PDE10A: variants seen among roughly 807,000 people sequenced by gnomAD.
The protein encoded by PDE10A is phosphodiesterase 10A.
Under a neutral mutation model 97.7 loss-of-function variants are expected in PDE10A, and 39 were observed. The observed-to-expected ratio is 0.40, with a 90% CI of 0.31 to 0.52. The LOEUF (loss-of-function observed/expected upper bound fraction) is 0.52. Among genes scored for constraint, PDE10A ranks in the 20% least tolerant of loss-of-function variants. The probability of loss-of-function intolerance (pLI) is 0.56; values close to 1 mark genes in which losing one functional copy is unlikely to be tolerated. For synonymous variants in PDE10A, 371 were observed against 376.8 expected, an observed-to-expected ratio of 0.98 and a Z score of 0.18; for missense variants, 731 against 1,047.8, an observed-to-expected ratio of 0.70 and a Z score of 4.17.
intron 2 of PDE10A, among the ~76,000 whole-genome samples, chr6:165,490,161 A>C (rs1780146770): frequency 1.3e-5 from 2 of 152,238 alleles, no homozygotes; most frequent in East Asian, 1.9e-4. Flanking sequence ...TCTACAGTCA[A>C]GATGAAGGAA....
intron 16 of PDE10A, among the ~76,000 whole-genome samples, chr6:165,390,682 G>A (rs1785644341): frequency 6.6e-6 from 1 of 152,158 alleles, no homozygotes; most frequent in Non-Finnish European, 1.5e-5. Context: ...AAGTGTGCAA[G>A]GCAGAGCCTG....
At chr6:165,560,915 G>T (rs887492534) in intron 1 of PDE10A, among the ~76,000 whole-genome samples, 17 of 152,030 alleles carry the variant, frequency 1.1e-4, no homozygotes, top group African/African-American at 3.9e-4. Context: ...ATGAGATCTG[G>T]TTGTTTAAAA....
intron 1 of PDE10A, among the ~76,000 whole-genome samples, chr6:165,799,072 G>A (rs1462007929): frequency 6.6e-6 from 1 of 152,178 alleles, no homozygotes; most frequent in African/African-American, 2.4e-5. Context: ...AAAAATTGAA[G>A]ACAACAGGCT....
chr6:165,374,548 CAT>C (rs1446711458), intron 18 of PDE10A, among the ~76,000 whole-genome samples: 1 of 151,786 alleles, frequency 6.6e-6, no homozygotes, highest in African/African-American at 2.4e-5. Flanking sequence ...AATAAACAAA[CAT>C]AAAAAAATCT....
intron 1 of PDE10A, among the ~76,000 whole-genome samples, chr6:165,979,298 C>T (rs1318741214): frequency 1.3e-5 from 2 of 152,096 alleles, no homozygotes; most frequent in East Asian, 3.9e-4. Flanking sequence ...CCCCAGCTGG[C>T]CCAGGTATGA....
rs528911059 is a variant in PDE10A, at chr6:165,507,447, A to G, written c.995-25104T>C. Among the ~76,000 whole-genome samples, 3 of 152,180 alleles carry G rather than the reference A, an allele frequency of 2.0e-5. No homozygotes were observed. In the East Asian group the frequency reaches 5.8e-4, roughly 29 times the overall value. ...AAATTAATGTTCCTTTTCCCCTTATATGCACTCTTCATGAGACTCCTACTA... is the reference window on the plus strand; with the variant it reads ...AAATTAATGTTCCTTTTCCCCTTATGTGCACTCTTCATGAGACTCCTACTA... On this transcript the variant is annotated intron_variant, in intron 2 of 21. Transcript: ENST00000539869.
chr6:165,738,216 T>C (rs1583018001), intron 1 of PDE10A, among the ~76,000 whole-genome samples: 2 of 136,606 alleles, frequency 1.5e-5, no homozygotes. Context: ...CCTGTGTCCA[T>C]GTGATCTCAT....
chr6:165,356,707 A>C (rs2128189735), intron 18 of PDE10A, among the ~76,000 whole-genome samples: 1 of 152,336 alleles, frequency 6.6e-6, no homozygotes, highest in Admixed American at 6.5e-5. Flanking sequence ...AACCATTTGC[A>C]GAAAAGACAG....
chr6:165,917,344 G>T (rs1451403548), intron 1 of PDE10A, among the ~76,000 whole-genome samples: 1 of 152,102 alleles, frequency 6.6e-6, no homozygotes, highest in African/African-American at 2.4e-5. Context: ...GAGCAATTAG[G>T]ACTCAACCCC....
intron 19 of PDE10A, 109 bp downstream of exon 19, chr6:165,343,282 A>G (rs1429727128): frequency 3.9e-6 from 3 of 765,004 alleles, no homozygotes; most frequent in Non-Finnish European, 6.9e-6. Context: ...GACTCACCAC[A>G]GTTCTCTGAA....
intron 1 of PDE10A, among the ~76,000 whole-genome samples, chr6:165,811,245 A>C (rs1779275594): frequency 6.6e-6 from 1 of 152,150 alleles, no homozygotes; most frequent in South Asian, 2.1e-4. Flanking sequence ...CACAAAAACA[A>C]ACACACAAAA....
intron 18 of PDE10A, among the ~76,000 whole-genome samples, chr6:165,364,037 C>A (rs2128194844): frequency 6.6e-6 from 1 of 152,174 alleles, no homozygotes. Context: ...TTGCTAGAGA[C>A]CCAGAATAGT....
intron 1 of PDE10A, among the ~76,000 whole-genome samples, chr6:165,695,055 G>A (rs558642954): frequency 1.3e-4 from 20 of 152,250 alleles, no homozygotes; most frequent in African/African-American, 4.3e-4. Flanking sequence ...TCCCCCGGAA[G>A]TAAACAATTT....
Position 165,465,403 on chromosome 6 carries a change from G to T in PDE10A, c.1024-15041C>A, listed in dbSNP as rs547856129. On this transcript the variant is annotated intron_variant, in intron 3 of 21. Coordinates refer to ENST00000539869, the MANE Select transcript of PDE10A (RefSeq NM_001385079.1). ...CCCTGAGTCTATCCTAGCACTATGG[G>T]GAAAAGAGAAAAAGCAGCCACCTTC... 3.3e-5 allele frequency among the ~76,000 whole-genome samples: 5 copies of T among 152,210 alleles called. No homozygotes were observed. In the East Asian group the frequency reaches 9.6e-4, roughly 29 times the overall value.
At chr6:165,790,419 C>G (rs1210633031) in intron 1 of PDE10A, among the ~76,000 whole-genome samples, 1 of 152,140 alleles carries the variant, frequency 6.6e-6, no homozygotes, top group Non-Finnish European at 1.5e-5. Flanking sequence ...GGGAGGAAGT[C>G]TCTTTTTAGA....
At chr6:165,978,199 T>C (rs771508754) in intron 1 of PDE10A, among the ~76,000 whole-genome samples, 19 of 152,294 alleles carry the variant, frequency 1.2e-4, no homozygotes, top group Admixed American at 3.3e-4. Context: ...TCACCTAAGC[T>C]GTTTAGCTCA....
At chr6:165,947,797 G>A (rs927275972) in intron 1 of PDE10A, among the ~76,000 whole-genome samples, 3 of 152,058 alleles carry the variant, frequency 2.0e-5, no homozygotes, top group Non-Finnish European at 4.4e-5. Context: ...TTGCACAATC[G>A]TATGGGTTTT....
intron 1 of PDE10A, among the ~76,000 whole-genome samples, chr6:165,732,006 G>A (rs1385264943): frequency 6.6e-6 from 1 of 152,026 alleles, no homozygotes; most frequent in Non-Finnish European, 1.5e-5. Context: ...AGAAAATTAC[G>A]AGTGTACCCA....
At chr6:165,821,902 T>G (rs79522193) in intron 1 of PDE10A, among the ~76,000 whole-genome samples, 2,636 of 41,130 alleles carry the variant, frequency 0.064, 79 homozygotes, top group African/African-American at 0.12. Flanking sequence ...AGGTGCCGGG[T>G]TTTTTTTTCC....
Sources: gnomAD v4.1 joint callset for allele counts (sites outside exome capture counted in the v4.1 genomes callset) on GRCh38, gnomAD v4.1.1 for gene constraint, MANE v1.5 for transcripts, NCBI Gene and HGNC (gene_info 2026-07-23, HGNC 2026-07-21) for gene names.